Variants in CTNNA3 observed in about 807,000 individuals in gnomAD.
CTNNA3 encodes catenin alpha-3.
CTNNA3 carries 76 observed loss-of-function variants against 95.7 expected under a neutral mutation model. The observed-to-expected ratio is 0.79, with a 90% CI of 0.66 to 0.96. The LOEUF is 0.96. CTNNA3 is among the 40% of genes least tolerant of loss of function. CTNNA3 has a pLI of 0.00. For missense variants in CTNNA3, 1,191 were observed against 1,089.8 expected (o/e 1.09, Z -1.31); for synonymous variants, 431 against 374.4 (o/e 1.15, Z -1.74).
intron 5 of CTNNA3, among the ~76,000 whole-genome samples, chr10:67,423,175 A>G (rs959384220): frequency 1.3e-5 from 2 of 152,098 alleles, no homozygotes; most frequent in Non-Finnish European, 2.9e-5. Flanking sequence ...TTCTTCAGGA[A>G]ACAGCACCTC....
chr10:66,454,644 T>C (rs1224839195), intron 11 of CTNNA3, among the ~76,000 whole-genome samples: 3 of 152,098 alleles, frequency 2.0e-5, no homozygotes, highest in Admixed American at 1.3e-4. Flanking sequence ...TGTTAGTTTC[T>C]ACCAAACATT....
chr10:67,278,032 C>T (rs556139462), intron 5 of CTNNA3, among the ~76,000 whole-genome samples: 3 of 152,286 alleles, frequency 2.0e-5, no homozygotes, highest in African/African-American at 7.2e-5. Flanking sequence ...AACTTGCTTT[C>T]ACTGTACTTT....
intron 5 of CTNNA3, among the ~76,000 whole-genome samples, chr10:67,505,889 C>G (rs1839412380): frequency 6.6e-6 from 1 of 151,926 alleles, no homozygotes; most frequent in African/African-American, 2.4e-5. Context: ...AGAATTTTAG[C>G]CTGTATTAAT....
At chr10:67,215,901 T>C (rs916192470) in intron 6 of CTNNA3, among the ~76,000 whole-genome samples, 2 of 152,176 alleles carry the variant, frequency 1.3e-5, no homozygotes, top group African/African-American at 4.8e-5. Flanking sequence ...CCCAGCATAA[T>C]GCTGGTGTTG....
At chr10:66,289,812 A>C (rs531855514) in intron 12 of CTNNA3, among the ~76,000 whole-genome samples, 2 of 152,102 alleles carry the variant, frequency 1.3e-5, no homozygotes, top group East Asian at 1.9e-4. Flanking sequence ...TAGTTATAGA[A>C]ATCCAAAAAC....
chr10:67,217,261 T>C (rs1431580880), intron 6 of CTNNA3, among the ~76,000 whole-genome samples: 1 of 152,150 alleles, frequency 6.6e-6, no homozygotes, highest in East Asian at 1.9e-4. Flanking sequence ...TAATGAAAAG[T>C]GCAACCATTT....
At chr10:66,413,069 C>G (rs2093120416) in intron 11 of CTNNA3, among the ~76,000 whole-genome samples, 2 of 152,046 alleles carry the variant, frequency 1.3e-5, no homozygotes. Context: ...GGTCACAAGT[C>G]TTTGAAACAG....
In CTNNA3 at chr10:66,617,777, G is replaced by C. The variant is rs561622121; in HGVS notation, c.1374+3915C>G. 1.5e-3 allele frequency among the ~76,000 whole-genome samples: 227 copies of C among 151,988 alleles called. 2 individuals carry two copies. Among genetic ancestry groups the C allele is most frequent in the African/African-American group, 5.1e-3 (210 of 41,442 alleles). On this transcript the variant is annotated intron_variant, in intron 10 of 17. Transcript: ENST00000433211. Reference sequence around the variant, plus strand: ...GAAAAGAGGAAGTCAAACTGTCCCTGTTTGCAGATGACATGATTGTATATC... The same window carrying C: ...GAAAAGAGGAAGTCAAACTGTCCCTCTTTGCAGATGACATGATTGTATATC...
intron 7 of CTNNA3, chr10:67,098,726 AAT>A (rs1858159190): frequency 6.6e-6 from 1 of 152,264 alleles, no homozygotes. Flanking sequence ...GCCAGTGACA[AAT>A]AAAAACTTTT....
chr10:67,600,995 G>A (rs956938093), intron 3 of CTNNA3, among the ~76,000 whole-genome samples: 3 of 152,192 alleles, frequency 2.0e-5, no homozygotes, highest in African/African-American at 7.2e-5. Context: ...GGTGTTAGAA[G>A]TCAGGATAGT....
chr10:66,440,313 T>C (rs1029000521), intron 11 of CTNNA3, among the ~76,000 whole-genome samples: 2 of 152,156 alleles, frequency 1.3e-5, no homozygotes, highest in Admixed American at 6.5e-5. Flanking sequence ...TTTCTTAATA[T>C]ATTCATTTTC....
chr10:66,516,918 TA>T (rs1163242530), intron 11 of CTNNA3, among the ~76,000 whole-genome samples: 3 of 152,158 alleles, frequency 2.0e-5, no homozygotes, highest in Non-Finnish European at 4.4e-5. Flanking sequence ...CAGAGATGCT[TA>T]CACATTAATA....
intron 11 of CTNNA3, among the ~76,000 whole-genome samples, chr10:66,443,471 C>G (rs1054162316): frequency 1.3e-5 from 2 of 152,024 alleles, no homozygotes; most frequent in Non-Finnish European, 2.9e-5. Context: ...TCCAGAGGAA[C>G]GATCAGGCAG....
intron 3 of CTNNA3, among the ~76,000 whole-genome samples, chr10:67,597,701 G>T (rs1388051286): frequency 1.3e-5 from 2 of 152,230 alleles, no homozygotes; most frequent in Non-Finnish European, 2.9e-5. Context: ...TCAGGGTGGT[G>T]TCAGTGGGGT....
At position 66,578,750 on chromosome 10, in the gene CTNNA3, G is replaced by A. The variant is rs1034376624; in HGVS notation, c.1374+42942C>T. 5.4e-5 allele frequency among the ~76,000 whole-genome samples: 8 copies of A among 148,002 alleles called. 1 individual carries two copies. The highest frequency in any genetic ancestry group is 2.0e-4 in the African/African-American group (8 of 40,358). On this transcript the variant is annotated intron_variant, in intron 10 of 17. Coordinates refer to ENST00000433211, the MANE Select transcript of CTNNA3 (RefSeq NM_013266.4). Reference sequence around the variant, plus strand: ...TTCATTGAGAAAATTTTGCATCTCTGTTCATTGGGGATATTGGCCTGATAT... The same window carrying A: ...TTCATTGAGAAAATTTTGCATCTCTATTCATTGGGGATATTGGCCTGATAT...
At chr10:67,001,125 A>C (rs2132984761) in intron 7 of CTNNA3, among the ~76,000 whole-genome samples, 1 of 151,634 alleles carries the variant, frequency 6.6e-6, no homozygotes, top group South Asian at 2.1e-4. Flanking sequence ...ACATGATGAA[A>C]CCCTGTCTCT....
chr10:66,909,816 A>C (rs929047849), intron 7 of CTNNA3, among the ~76,000 whole-genome samples: 3 of 152,136 alleles, frequency 2.0e-5, no homozygotes, highest in Non-Finnish European at 4.4e-5. Context: ...GAGAACCATA[A>C]TTATGATAAT....
chr10:66,831,076 A>G (rs915048528), intron 7 of CTNNA3, among the ~76,000 whole-genome samples: 3 of 152,240 alleles, frequency 2.0e-5, no homozygotes, highest in Admixed American at 6.5e-5. Context: ...AGCCTCTTCA[A>G]TACTCCCCTG....
Position 67,035,267 on chromosome 10 carries a change from A to G in CTNNA3, c.1047+145050T>C, listed in dbSNP as rs181638844. On this transcript the variant is annotated intron_variant, in intron 7 of 17. Coordinates refer to ENST00000433211, the MANE Select transcript of CTNNA3 (RefSeq NM_013266.4). ...TTAAGTAAAACTATGATTTAAAAAT[A>G]TGCTGCAAGTCACTAGATTTCTTAA... Among the ~76,000 whole-genome samples, 7 of 152,354 alleles carry G rather than the reference A, an allele frequency of 4.6e-5. No homozygotes were observed. In the East Asian group the frequency reaches 1.3e-3, roughly 29 times the overall value.
Sources: gnomAD v4.1 joint callset for allele counts (sites outside exome capture counted in the v4.1 genomes callset) on GRCh38, gnomAD v4.1.1 for gene constraint, MANE v1.5 for transcripts, NCBI Gene and HGNC (gene_info 2026-07-23, HGNC 2026-07-21) for gene names.